POLK: variants seen among roughly 807,000 people sequenced by gnomAD.
POLK encodes polymerase (DNA directed) kappa.
In POLK, 76 loss-of-function variants were observed where a neutral mutation model predicts 94.0. The ratio of observed to expected loss-of-function variants is 0.81; its 90% CI spans 0.67 to 0.98. The LOEUF is 0.98. Ranked by LOEUF, POLK falls within the 50% of genes least tolerant of loss-of-function variation. The probability of loss-of-function intolerance (pLI) is 0.00; values close to 1 mark genes in which losing one functional copy is unlikely to be tolerated. For synonymous variants in POLK, 349 were observed against 325.4 expected (o/e 1.07, Z -0.78); for missense variants, 954 against 1,010.1 (o/e 0.94, Z 0.75).
intron 1 of POLK, among the ~76,000 whole-genome samples, chr5:75,524,872 AG>A (rs1404125631): frequency 6.6e-6 from 1 of 152,240 alleles, no homozygotes; most frequent in Non-Finnish European, 1.5e-5. Context: ...AGAGAGAGCC[AG>A]ATAATGGAAA....
intron 10 of POLK, 26 bp from the exon 11 acceptor site, chr5:75,590,318 C>G (rs779780067): frequency 7.5e-7 from 1 of 1,325,790 alleles, no homozygotes; most frequent in Admixed American, 1.9e-5. Flanking sequence ...TTACTTTGTG[C>G]GCCAAAATTA....
chr5:75,542,793 A>G (rs1769814395), intron 1 of POLK, among the ~76,000 whole-genome samples: 1 of 149,176 alleles, frequency 6.7e-6, no homozygotes, highest in Non-Finnish European at 1.5e-5. Flanking sequence ...GCTCACTGCA[A>G]CCGCCACCTC....
intron 8 of POLK, 36 bp downstream of exon 8, chr5:75,583,453 C>G: frequency 7.3e-7 from 1 of 1,368,326 alleles, no homozygotes; most frequent in Non-Finnish European, 1.0e-6. Flanking sequence ...TATATATGTA[C>G]TCTGAATTCT....
chr5:75,587,124 A>T, intron 10 of POLK, 66 bp downstream of exon 10: 1 of 926,370 alleles, frequency 1.1e-6, no homozygotes, highest in Non-Finnish European at 1.6e-6. Flanking sequence ...TATTGAATTA[A>T]TTTTTAGTAA....
intron 1 of POLK, among the ~76,000 whole-genome samples, chr5:75,514,559 G>A (rs10059022): frequency 0.12 from 18,786 of 152,220 alleles, 1,258 homozygotes; most frequent in South Asian, 0.22. Flanking sequence ...CTGCAAGGTA[G>A]ACATTATTCT....
chr5:75,575,564 T>G (rs115419138), intron 5 of POLK, among the ~76,000 whole-genome samples: 2,082 of 152,308 alleles, frequency 0.014, 47 homozygotes, highest in African/African-American at 0.047. Flanking sequence ...TACAGCAATA[T>G]CCTATGTAAA....
At chr5:75,586,224 C>T (rs1371091279) in intron 9 of POLK, among the ~76,000 whole-genome samples, 1 of 152,058 alleles carries the variant, frequency 6.6e-6, no homozygotes, top group African/African-American at 2.4e-5. Flanking sequence ...CCTGCCTTTC[C>T]CTCTGTCCAT....
At chr5:75,565,527 C>G (rs1448054550) in intron 3 of POLK, among the ~76,000 whole-genome samples, 1 of 152,020 alleles carries the variant, frequency 6.6e-6, no homozygotes, top group Non-Finnish European at 1.5e-5. Flanking sequence ...ATTTATCTAC[C>G]TTTAGTGTTT....
rs1176691297 is a variant in POLK at position 75,598,098 on chromosome 5, T to A, written c.*80T>A. ...TGAATTTGTTCTTTCTGATTTTAAG[T>A]TTGCAGATTTATTTAGTGAAGGCAA... On this transcript the variant is annotated 3_prime_UTR_variant, in exon 15 of 15. Coordinates refer to ENST00000241436, the Ensembl canonical transcript of POLK. 4 of 608,438 alleles carry A rather than the reference T, an allele frequency of 6.6e-6. No individual in the cohort carries two copies. The African/African-American group carries it at 7.8e-5, about 12-fold the overall frequency. The allele number at this position is 608,438 out of a possible 1,614,324, so 37.7% of individuals were successfully genotyped here. A position where few individuals can be genotyped will look rare whatever the true frequency, so the allele number is the denominator to read the frequency against.
At position 75,588,639 on chromosome 5, in the gene POLK, TCAAAA is replaced by T. The variant is rs199633788; in HGVS notation, c.1259+1591_1259+1595del. 2.1e-3 allele frequency among the ~76,000 whole-genome samples: 318 copies of T among 152,302 alleles called. 1 individual carries two copies. In the East Asian group the frequency reaches 0.027, roughly 13 times the overall value. Reference sequence around the variant, plus strand: ...AACAAATTTCTACAAATTTAGTGGCTCAAAACAAAACAAATTTATTCTCTATCATT... The same window carrying T: ...AACAAATTTCTACAAATTTAGTGGCTCAAAACAAATTTATTCTCTATCATT... On this transcript the variant is annotated intron_variant, in intron 10 of 14. Coordinates refer to ENST00000241436, the Ensembl canonical transcript of POLK.
In POLK at chr5:75,576,847, A is replaced by G. The variant is rs1416830516; in HGVS notation, c.608A>G (p.Asn203Ser). Residue 203 changes from asparagine to serine, a missense_variant, in exon 6 of 15, where the codon AAT becomes AGT. By Grantham distance (46) the Asn-to-Ser change is conservative. Coordinates refer to ENST00000241436, the Ensembl canonical transcript of POLK. ...ATGAGTCTTGATGAAGCCTACTTGA[A>G]TATAACAAAGCACTTAGAAGAAAGA... 4.5e-6 allele frequency: 7 copies of G among 1,567,088 alleles called. No individual in the cohort carries two copies. The highest frequency in any genetic ancestry group is 6.1e-6 in the Non-Finnish European group (7 of 1,154,890).
At chr5:75,581,137 G>A in intron 6 of POLK, 72 bp from the exon 7 acceptor site, 3 of 1,074,774 alleles carry the variant, frequency 2.8e-6, no homozygotes, top group Non-Finnish European at 2.7e-6. Context: ...CAGAAATAAT[G>A]TAGGGAAACC....
In POLK at chr5:75,590,065, A is replaced by G. The variant is rs187566974; in HGVS notation, c.1260-279A>G. On this transcript the variant is annotated intron_variant, in intron 10 of 14. Transcript: ENST00000241436. ...TGTTTTAAGTTCTGGAGGCATTACC[A>G]TTATCTGTTGGTAATTTTAATTATC... is the stretch of plus-strand genomic sequence containing the variant. Among the ~76,000 whole-genome samples the G allele has an allele frequency of 9.2e-5, 14 of 152,312 alleles. No individual in the cohort carries two copies. The East Asian group carries it at 2.3e-3, about 25-fold the overall frequency.
intron 3 of POLK, 122 bp downstream of exon 3, chr5:75,552,713 T>C: frequency 9.8e-7 from 1 of 1,016,360 alleles, no homozygotes; most frequent in East Asian, 2.4e-5. Context: ...TTGTAAAGCA[T>C]ACATATTCAG....
rs1459172063 is a variant in POLK at position 75,596,747 on chromosome 5, AT to A, written c.2056del (p.Tyr686MetfsTer13). On this transcript the variant is annotated frameshift_variant, in exon 13 of 15. Transcript: ENST00000241436. LOFTEE classifies it high-confidence loss of function. ...GCTTCTTCACTTTGTGAGAAGCAAG[AT>A]TATGAAGCCCATCCAAAAATTAAAG... is the stretch of plus-strand genomic sequence containing the variant. 2 of 1,613,220 alleles carry A rather than the reference AT, an allele frequency of 1.2e-6. No individual in the cohort carries two copies. Among genetic ancestry groups the A allele is most frequent in the East Asian group, 4.5e-5 (2 of 44,868 alleles).
intron 1 of POLK, among the ~76,000 whole-genome samples, chr5:75,539,400 A>G (rs1769619884): frequency 6.6e-6 from 1 of 152,224 alleles, no homozygotes; most frequent in African/African-American, 2.4e-5. Context: ...TATGGAAACC[A>G]TCTTTTAAAA....
chr5:75,531,617 A>AC (rs1769186774), intron 1 of POLK, among the ~76,000 whole-genome samples: 1 of 151,866 alleles, frequency 6.6e-6, no homozygotes, highest in Non-Finnish European at 1.5e-5. Flanking sequence ...AGATGGTGAA[A>AC]CCCCGTCTCT....
At chr5:75,528,439 C>T (rs1768975323) in intron 1 of POLK, among the ~76,000 whole-genome samples, 1 of 151,942 alleles carries the variant, frequency 6.6e-6, no homozygotes, top group Admixed American at 6.6e-5. Flanking sequence ...TCTTTGTTTC[C>T]CTTTTATGCA....
At chr5:75,604,035 GATACGGAGAGTC>G (rs1416716359), downstream of POLK, among the ~76,000 whole-genome samples, 1 of 152,194 alleles carries the variant, frequency 6.6e-6, no homozygotes, top group Non-Finnish European at 1.5e-5. Flanking sequence ...GCACACAGTA[GATACGGAGAGTC>G]ATTTGTTGAC....
Sources: gnomAD v4.1 joint callset for allele counts (sites outside exome capture counted in the v4.1 genomes callset) on GRCh38, gnomAD v4.1.1 for gene constraint, MANE v1.5 for transcripts, NCBI Gene and HGNC (gene_info 2026-07-23, HGNC 2026-07-21) for gene names.